The following EPS8L2 variants were observed in gnomAD, a reference collection of about 807,000 sequenced individuals.
The protein encoded by EPS8L2 is epidermal growth factor receptor kinase substrate 8-like protein 2.
In EPS8L2, 81 loss-of-function variants were observed where a neutral mutation model predicts 99.4. That is an observed-to-expected ratio of 0.82 (90% confidence interval 0.68 to 0.98). The LOEUF (loss-of-function observed/expected upper bound fraction) is 0.98, where lower values mean the gene tolerates loss of function less well. Among genes scored for constraint, EPS8L2 ranks in the 50% least tolerant of loss-of-function variants. The pLI is 0.00. For missense variants in EPS8L2, 1,155 were observed against 968.8 expected (o/e 1.19, Z -2.55); for synonymous variants, 509 against 407.3 (o/e 1.25, Z -3.01).
intron 7 of EPS8L2, 55 bp from the exon 8 acceptor site, chr11:721,009 A>AGGGGAGGAGCC: frequency 1.1e-6 from 1 of 878,236 alleles, no homozygotes; most frequent in South Asian, 2.1e-5. Context: ...CCCGGCAGGG[A>AGGGGAGGAGCC]GGGAGGGTCA....
chr11:717,208 C>G (rs1418015316), intron 4 of EPS8L2, among the ~76,000 whole-genome samples: 1 of 152,148 alleles, frequency 6.6e-6, no homozygotes, highest in Non-Finnish European at 1.5e-5. Flanking sequence ...AACTCCTGAC[C>G]TTGTGATCCA....
At chr11:721,514 CG>C in intron 9 of EPS8L2, 50 bp from the exon 10 acceptor site, 1 of 1,520,096 alleles carries the variant, frequency 6.6e-7, no homozygotes, top group Non-Finnish European at 8.8e-7. Flanking sequence ...TGCAGCAAGG[CG>C]GGGCGGTGGG....
At chr11:721,744 G>A (rs1862182243) in intron 10 of EPS8L2, 53 bp downstream of exon 10, 1 of 1,574,380 alleles carries the variant, frequency 6.4e-7, no homozygotes, top group Non-Finnish European at 8.7e-7. Flanking sequence ...GCCAGCAGGT[G>A]CAGGGGACAG....
Position 726,451 on chromosome 11 carries a change from G to A in EPS8L2, c.1901G>A (p.Arg634His). Reference protein sequence around the residue: ...LTYESGPDEVRAWLEAKAFSP... With the variant: ...LTYESGPDEVHAWLEAKAFSP... ...TACGAGTCGGGTCCGGACGAGGTCC[G>A]CGCCTGGCTGGAAGCCAAGGCCTTC... The change falls in exon 19 of 21, where the codon CGC becomes CAC. Residue 634 changes from arginine (R) to histidine (H), a missense_variant. Transcript: ENST00000318562. 3 of 1,582,278 alleles carry A rather than the reference G, an allele frequency of 1.9e-6. No homozygotes were observed. The highest frequency in any genetic ancestry group is 2.6e-6 in the Non-Finnish European group (3 of 1,165,880).
intron 4 of EPS8L2, among the ~76,000 whole-genome samples, chr11:716,937 T>C (rs572689068): frequency 8.5e-5 from 13 of 152,334 alleles, no homozygotes; most frequent in African/African-American, 3.1e-4. Flanking sequence ...GAGAGATGAG[T>C]GGCCTCATAG....
Position 720,681 on chromosome 11 carries a change from C to A in EPS8L2, c.412C>A (p.Leu138Ile), listed in dbSNP as rs1212379658. The A allele has an allele frequency of 6.3e-7, 1 of 1,598,058 alleles. No homozygotes were observed. The highest frequency in any genetic ancestry group is 8.5e-7 in the Non-Finnish European group (1 of 1,173,858). Residue 138 changes from leucine (L) to isoleucine (I), a missense_variant, in exon 6 of 21, where the codon CTC becomes ATC. Physicochemically the swap from Leu to Ile is conservative, Grantham distance 5. Coordinates refer to ENST00000318562, the MANE Select transcript of EPS8L2 (RefSeq NM_022772.4). ...NQLRYPSVLLLVCQDSEQSKP... is the reference protein window; with the variant it reads ...NQLRYPSVLLIVCQDSEQSKP... ...GCTGCGCTACCCGTCTGTGCTGCTGCTCGTGTGCCAGGACTCGGAGCAGAG... is the reference window on the plus strand; with the variant it reads ...GCTGCGCTACCCGTCTGTGCTGCTGATCGTGTGCCAGGACTCGGAGCAGAG...
chr11:722,572 C>G (rs376494628), intron 13 of EPS8L2, 23 bp downstream of exon 13: 1 of 1,611,918 alleles, frequency 6.2e-7, no homozygotes, highest in African/African-American at 1.3e-5. Flanking sequence ...AGAGCAGTGC[C>G]GGGGCTTCAT....
intron 4 of EPS8L2, among the ~76,000 whole-genome samples, chr11:712,426 G>T (rs1210218878): frequency 6.7e-6 from 1 of 148,814 alleles, no homozygotes; most frequent in Admixed American, 6.7e-5. Flanking sequence ...CCAAGCCTGG[G>T]TGCGAGCTGG....
chr11:721,543 C>A, intron 9 of EPS8L2, 22 bp from the exon 10 acceptor site: 1 of 1,532,348 alleles, frequency 6.5e-7, no homozygotes. Flanking sequence ...AGGGGCTGAC[C>A]CCTGACCCCC....
Position 709,395 on chromosome 11 carries a change from C to CTG in EPS8L2, c.-13_-12insTG, listed in dbSNP as rs920092831. 3 of 1,576,380 alleles carry CTG rather than the reference C, an allele frequency of 1.9e-6. No homozygotes were observed. Among genetic ancestry groups the CTG allele is most frequent in the Non-Finnish European group, 2.6e-6 (3 of 1,162,832 alleles). Reference sequence around the variant, plus strand: ...GGTCTGCCCTTCTCCCGCTGGCCGCCACCCAAGACACCATGAGCCAGTCCG... The same window carrying CTG: ...GGTCTGCCCTTCTCCCGCTGGCCGCCTGACCCAAGACACCATGAGCCAGTCCG... On this transcript the variant is annotated 5_prime_UTR_variant, in exon 2 of 21. Transcript: ENST00000318562.
At chr11:709,160 T>TGGGACGTGGGGCCAACA (rs1352167749) in intron 1 of EPS8L2, 170 bp from the exon 2 acceptor site, 7 of 571,840 alleles carry the variant, frequency 1.2e-5, no homozygotes, top group Middle Eastern at 4.6e-4. Context: ...GACTGTCAAC[T>TGGGACGTGGGGCCAACA]GGGACGTGGG....
intron 4 of EPS8L2, among the ~76,000 whole-genome samples, chr11:718,092 G>A (rs1862068031): frequency 6.6e-6 from 1 of 152,190 alleles, no homozygotes; most frequent in Non-Finnish European, 1.5e-5. Flanking sequence ...CAGCACTTTG[G>A]GAGGCTGAGG....
Position 726,148 on chromosome 11 carries a change from A to C in EPS8L2, c.1731A>C (p.Pro577=). 1 of 1,608,762 alleles carries C rather than the reference A, an allele frequency of 6.2e-7. No individual in the cohort carries two copies. The highest frequency in any genetic ancestry group is 8.5e-7 in the Non-Finnish European group (1 of 1,178,116). The part of the protein sequence containing the change: ...GPASPTHKLP[P]SFPGNKDELM... ...CCAGCCCGACCCACAAGCTACCCCC[A>C]AGCTTCCCGGGGAACAAAGACGGTG... Residue 577 remains proline, a synonymous_variant, in exon 18 of 21, where the codon CCA becomes CCC. Coordinates refer to ENST00000318562, the MANE Select transcript of EPS8L2 (RefSeq NM_022772.4).
chr11:711,829 C>A (rs1051698746), intron 4 of EPS8L2, among the ~76,000 whole-genome samples: 4 of 151,608 alleles, frequency 2.6e-5, no homozygotes, highest in African/African-American at 9.7e-5. Flanking sequence ...ACTGAAAATA[C>A]AAAATTAGCC....
chr11:726,700 G>A lies in EPS8L2; in HGVS notation c.2016G>A (p.Glu672=). Residue 672 remains glutamate (E), a synonymous_variant, in exon 20 of 21, where the codon GAG becomes GAA. Coordinates refer to ENST00000318562, the MANE Select transcript of EPS8L2 (RefSeq NM_022772.4). ...AGGAGCTGAAGAAAGTGTGCGGCGA[G>A]GAGGGCGTCCGCGTGTACAGCCAGC... ...NKEELKKVCG[E]EGVRVYSQLT... 3.1e-6 allele frequency: 5 copies of A among 1,589,636 alleles called. No homozygotes were observed. Among genetic ancestry groups the A allele is most frequent in the African/African-American group, 2.7e-5 (2 of 74,856 alleles).
At position 721,946 on chromosome 11, in the gene EPS8L2, G is replaced by A; in HGVS notation, c.939G>A (p.Glu313=). ...GGGCACGGCCCCCCTCTGAGGGCGAGTTCATCGACTGCTTCCAGAAAATCA... is the reference window on the plus strand; with the variant it reads ...GGGCACGGCCCCCCTCTGAGGGCGAATTCATCGACTGCTTCCAGAAAATCA... ...TLRARPPSEG[E]FIDCFQKIKL... is the part of the protein sequence containing the mutation. Residue 313 remains glutamate (E), a synonymous_variant, in exon 11 of 21, where the codon GAG becomes GAA. Transcript: ENST00000318562. 6.2e-7 allele frequency: 1 copy of A among 1,601,338 alleles called. No individual in the cohort carries two copies. Among genetic ancestry groups the A allele is most frequent in the Non-Finnish European group, 8.5e-7 (1 of 1,174,300 alleles).
chr11:720,069 C>T lies in EPS8L2; in HGVS notation c.173C>T (p.Ala58Val). ...ETSQYHVQHLATFIMDKSEAI... is the reference protein window; with the variant it reads ...ETSQYHVQHLVTFIMDKSEAI... ...CCACCTGCCCACCCCCAGCACCTGG[C>T]CACATTCATCATGGACAAGAGCGAA... Residue 58 changes from alanine (A) to valine (V), a missense_variant, in exon 5 of 21, where the codon GCC (alanine) becomes GTC (valine). Ala to Val is a moderately conservative substitution (Grantham distance 64). Transcript: ENST00000318562. The T allele has an allele frequency of 6.2e-7, 1 of 1,612,174 alleles. No individual in the cohort carries two copies. Among genetic ancestry groups the T allele is most frequent in the Non-Finnish European group, 8.5e-7 (1 of 1,179,384 alleles).
At chr11:718,762 G>A (rs1590051929) in intron 4 of EPS8L2, among the ~76,000 whole-genome samples, 2 of 151,052 alleles carry the variant, frequency 1.3e-5, no homozygotes, top group Admixed American at 6.6e-5. Context: ...TCCGCCTCCT[G>A]GGTTCACGCC....
intron 3 of EPS8L2, 44 bp downstream of exon 3, chr11:709,652 T>C (rs1331288285): frequency 1.2e-6 from 2 of 1,600,084 alleles, no homozygotes; most frequent in Admixed American, 1.7e-5. Context: ...AGGGGAGAAA[T>C]GGGCACTGCA....
Sources: gnomAD v4.1 joint callset for allele counts (sites outside exome capture counted in the v4.1 genomes callset) on GRCh38, gnomAD v4.1.1 for gene constraint, MANE v1.5 for transcripts, NCBI Gene and HGNC (gene_info 2026-07-23, HGNC 2026-07-21) for gene names.